The following GPR158 variants were observed in gnomAD, a reference collection of about 807,000 sequenced individuals.
The protein encoded by GPR158 is G protein-coupled receptor 158.
GPR158 carries 30 observed loss-of-function variants against 78.2 expected under a neutral mutation model. The ratio of observed to expected loss-of-function variants is 0.38; its 90% CI spans 0.29 to 0.52. The LOEUF (loss-of-function observed/expected upper bound fraction) is 0.52. Among genes scored for constraint, GPR158 ranks in the 20% least tolerant of loss-of-function variants. GPR158 has a pLI of 0.83. For missense variants in GPR158, 1,463 were observed against 1,523.5 expected (o/e 0.96, Z 0.66); for synonymous variants, 581 against 591.1 (o/e 0.98, Z 0.25).
intron 3 of GPR158, among the ~76,000 whole-genome samples, chr10:25,407,144 T>A (rs1269582372): frequency 6.6e-6 from 1 of 152,180 alleles, no homozygotes; most frequent in Non-Finnish European, 1.5e-5. Context: ...CAAGTTCTTA[T>A]CTTAAGTTCT....
chr10:25,297,490 G>GGATCTAGCCAGAAGCATAATATAT (rs1564414388), intron 2 of GPR158, among the ~76,000 whole-genome samples: 4 of 152,000 alleles, frequency 2.6e-5, no homozygotes, highest in Non-Finnish European at 4.4e-5. Context: ...GCATAAGATA[G>GGATCTAGCCAGAAGCATAATATAT]GGATCTAACC....
At chr10:25,274,762 G>A (rs554119939) in intron 2 of GPR158, among the ~76,000 whole-genome samples, 45 of 152,224 alleles carry the variant, frequency 3.0e-4, no homozygotes, top group East Asian at 2.1e-3. Flanking sequence ...TCTAACAAGC[G>A]TTAAAAAAAG....
chr10:25,424,745 C>T (rs996864071), intron 4 of GPR158, among the ~76,000 whole-genome samples: 1 of 151,918 alleles, frequency 6.6e-6, no homozygotes, highest in Admixed American at 6.6e-5. Context: ...TGATCTATAT[C>T]TCTGTTTTGG....
intron 2 of GPR158, among the ~76,000 whole-genome samples, chr10:25,371,498 C>G (rs1301878292): frequency 6.6e-6 from 1 of 151,066 alleles, no homozygotes; most frequent in Non-Finnish European, 1.5e-5. Context: ...GTACTGGTAC[C>G]AAAACAGAGA....
chr10:25,181,957 A>T (rs1027399209), intron 1 of GPR158, among the ~76,000 whole-genome samples: 27 of 152,200 alleles, frequency 1.8e-4, no homozygotes, highest in Admixed American at 1.6e-3. Flanking sequence ...GGCTCAGGTG[A>T]TCCACCTGCC....
chr10:25,385,080 T>C (rs1834205122), intron 2 of GPR158, among the ~76,000 whole-genome samples: 1 of 152,092 alleles, frequency 6.6e-6, no homozygotes, highest in Non-Finnish European at 1.5e-5. Flanking sequence ...ATTTTTCATG[T>C]TGCAAAATGG....
chr10:25,530,895 G>A (rs183383633), intron 5 of GPR158, among the ~76,000 whole-genome samples: 53 of 152,188 alleles, frequency 3.5e-4, no homozygotes, highest in African/African-American at 1.2e-3. Context: ...CTCTCCATCC[G>A]AGCAGTAGAC....
chr10:25,598,093 C>A lies in GPR158; in HGVS notation c.2467C>A (p.His823Asn), dbSNP rs770714176. 3.1e-6 allele frequency: 5 copies of A among 1,613,876 alleles called. No individual in the cohort carries two copies. In the African/African-American group the frequency reaches 6.7e-5, roughly 22 times the overall value. ...SLKKSHSTYD[H>N]VRDQTEESSS... is the part of the protein sequence containing the mutation. ...CAAGAAATCCCACAGCACTTATGAC[C>A]ACGTGAGAGACCAAACGGAAGAGTC... is the stretch of plus-strand genomic sequence containing the variant. Residue 823 changes from histidine (H) to asparagine (N), a missense_variant, in exon 11 of 11, where the codon CAC becomes AAC. His to Asn is a moderately conservative substitution (Grantham distance 68). Coordinates refer to ENST00000376351, the MANE Select transcript of GPR158 (RefSeq NM_020752.3).
intron 4 of GPR158, among the ~76,000 whole-genome samples, chr10:25,455,979 G>A (rs1470992266): frequency 6.6e-6 from 1 of 152,062 alleles, no homozygotes; most frequent in Non-Finnish European, 1.5e-5. Context: ...GAGGCAAATC[G>A]GAATCCAACT....
intron 5 of GPR158, among the ~76,000 whole-genome samples, chr10:25,512,913 T>C (rs933965204): frequency 6.6e-6 from 1 of 152,196 alleles, no homozygotes; most frequent in Non-Finnish European, 1.5e-5. Flanking sequence ...CTTTTTGATA[T>C]ACTGTTGGAT....
chr10:25,432,137 C>T (rs1385282196), intron 4 of GPR158, among the ~76,000 whole-genome samples: 1 of 151,966 alleles, frequency 6.6e-6, no homozygotes, highest in African/African-American at 2.4e-5. Context: ...ACCTAAAAAC[C>T]AATCAAACAA....
At position 25,235,947 on chromosome 10, in the gene GPR158, C is replaced by T. The variant is rs571873488; in HGVS notation, c.1008+14790C>T. Among the ~76,000 whole-genome samples the T allele has an allele frequency of 2.2e-4, 34 of 152,142 alleles. No individual in the cohort carries two copies. The South Asian group carries it at 7.1e-3, about 32-fold the overall frequency. ...ATCTGACCTTGTGATCTGCCCGCCT[C>T]AGCCCCCCAAAGTCCTGGGATTACA... is the stretch of plus-strand genomic sequence containing the variant. On this transcript the variant is annotated intron_variant, in intron 2 of 10. Coordinates refer to ENST00000376351, the MANE Select transcript of GPR158 (RefSeq NM_020752.3).
At chr10:25,595,041 G>A (rs928646289) in intron 9 of GPR158, among the ~76,000 whole-genome samples, 1 of 151,896 alleles carries the variant, frequency 6.6e-6, no homozygotes, top group Non-Finnish European at 1.5e-5. Flanking sequence ...TTCTCTGGGG[G>A]GAAGGTATTA....
intron 1 of GPR158, among the ~76,000 whole-genome samples, chr10:25,209,431 A>G (rs1487345644): frequency 6.6e-6 from 1 of 150,784 alleles, no homozygotes; most frequent in Admixed American, 6.6e-5. Flanking sequence ...GAGTAAATGA[A>G]TGAGTAAATT....
At chr10:25,386,409 A>T (rs1240969260) in intron 2 of GPR158, among the ~76,000 whole-genome samples, 1 of 152,058 alleles carries the variant, frequency 6.6e-6, no homozygotes, top group East Asian at 1.9e-4. Context: ...GATTGTTTTG[A>T]TGATTTCGGG....
chr10:25,426,267 A>T (rs148351222), intron 4 of GPR158, among the ~76,000 whole-genome samples: 38 of 152,254 alleles, frequency 2.5e-4, no homozygotes, highest in Middle Eastern at 3.4e-3. Flanking sequence ...AACTTTCTCC[A>T]TGTTAGCAAT....
At chr10:25,353,440 A>C (rs1381699568) in intron 2 of GPR158, among the ~76,000 whole-genome samples, 3 of 151,982 alleles carry the variant, frequency 2.0e-5, no homozygotes, top group Non-Finnish European at 4.4e-5. Flanking sequence ...ACTAACCTGC[A>C]CATTGTGCAC....
intron 5 of GPR158, among the ~76,000 whole-genome samples, chr10:25,521,238 G>C (rs989504455): frequency 1.3e-5 from 2 of 152,178 alleles, no homozygotes; most frequent in Non-Finnish European, 2.9e-5. Context: ...CACGGTGCAC[G>C]CACCCACTGG....
chr10:25,348,424 C>T (rs898727747), intron 2 of GPR158, among the ~76,000 whole-genome samples: 2 of 150,986 alleles, frequency 1.3e-5, no homozygotes, highest in African/African-American at 4.9e-5. Flanking sequence ...CACACACACA[C>T]ACACACACAC....
Sources: gnomAD v4.1 joint callset for allele counts (sites outside exome capture counted in the v4.1 genomes callset) on GRCh38, gnomAD v4.1.1 for gene constraint, MANE v1.5 for transcripts, NCBI Gene and HGNC (gene_info 2026-07-23, HGNC 2026-07-21) for gene names.